Variants in MMP1 observed in about 807,000 individuals in gnomAD.
MMP1 encodes the protein interstitial collagenase.
In MMP1, 51 loss-of-function variants were observed where a neutral mutation model predicts 49.6. The observed-to-expected ratio is 1.03, with a 90% CI of 0.82 to 1.30. The LOEUF (loss-of-function observed/expected upper bound fraction) is 1.30. MMP1 is among the 50% of genes most tolerant of loss of function. The pLI, the probability that MMP1 is intolerant of heterozygous loss-of-function variation, is 0.00. For missense variants in MMP1, 623 were observed against 568.7 expected, an observed-to-expected ratio of 1.10 and a Z score of -0.97; for synonymous variants, 230 against 196.8, an observed-to-expected ratio of 1.17 and a Z score of -1.41.
At chr11:102,791,617 T>C in intron 7 of MMP1, 122 bp from the exon 8 acceptor site, 2 of 1,053,722 alleles carry the variant, frequency 1.9e-6, no homozygotes, top group Non-Finnish European at 2.8e-6. Context: ...ATTAGAATCA[T>C]CTAGGGAGAT....
chr11:102,798,109 T>C lies in MMP1; in HGVS notation c.-17A>G. 4 of 1,596,494 alleles carry C rather than the reference T, an allele frequency of 2.5e-6. No individual in the cohort carries two copies. Among genetic ancestry groups the C allele is most frequent in the African/African-American group, 1.3e-5 (1 of 74,730 alleles). On this transcript the variant is annotated 5_prime_UTR_variant, in exon 1 of 10. Coordinates refer to ENST00000315274, the MANE Select transcript of MMP1 (RefSeq NM_002421.4). Reference sequence around the variant, plus strand: ...GCTGTGCATACTGGCCTTTGTCTTCTTTCTCAGTGCAAGGTAAGTGATGGC... The same window carrying C: ...GCTGTGCATACTGGCCTTTGTCTTCCTTCTCAGTGCAAGGTAAGTGATGGC...
chr11:102,796,861 TTTG>T (rs1858207541), intron 3 of MMP1, 72 bp from the exon 4 acceptor site: 1 of 1,572,778 alleles, frequency 6.4e-7, no homozygotes, highest in Non-Finnish European at 8.6e-7. Flanking sequence ...AAGCATTAGC[TTTG>T]TTAAGAGGCC....
At position 102,790,345 on chromosome 11, in the gene MMP1, G is replaced by C. The variant is rs942568155; in HGVS notation, c.*67C>G. ...GAGGTTAAAAATGACTGAGAAAATA[G>C]ACAGTTCTTCAGGAAAACACCTTCT... is the stretch of plus-strand genomic sequence containing the variant. On this transcript the variant is annotated 3_prime_UTR_variant, in exon 10 of 10. Transcript: ENST00000315274. 30 of 885,084 alleles carry C rather than the reference G, an allele frequency of 3.4e-5. No individual in the cohort carries two copies. The highest frequency in any genetic ancestry group is 5.4e-5 in the Non-Finnish European group (30 of 557,010). 54.8% of individuals were successfully genotyped at this position (885,084 alleles called of 1,614,324 possible). A position where few individuals can be genotyped will look rare whatever the true frequency, so the allele number is the denominator to read the frequency against.
Position 102,792,756 on chromosome 11 carries a change from A to C in MMP1, c.900-18T>G. ...TGTAGAATCTGATTAGAAAAAAAGC[A>C]AGAAAAGTTTCCATCTAATTTCTGG... On this transcript the variant is annotated intron_variant, in intron 6 of 9. Coordinates refer to ENST00000315274, the MANE Select transcript of MMP1 (RefSeq NM_002421.4). 6.2e-7 allele frequency: 1 copy of C among 1,605,554 alleles called. No individual in the cohort carries two copies. The highest frequency in any genetic ancestry group is 8.5e-7 in the Non-Finnish European group (1 of 1,175,178).
chr11:102,795,127 T>C, intron 6 of MMP1, 47 bp downstream of exon 6: 1 of 1,356,302 alleles, frequency 7.4e-7, no homozygotes, highest in Non-Finnish European at 1.1e-6. Flanking sequence ...GTGGTGAATG[T>C]TGTTATTATT....
Position 102,797,039 on chromosome 11 carries a change from G to A in MMP1, c.474C>T (p.Asp158=). The part of the protein sequence containing the change: ...TFTKVSEGQA[D]IMISFVRGDH... ...CTCCCCTGACAAAAGATATCATGAT[G>A]TCTGCTTGACCCTCAGAGACCTTGG... The change falls in exon 3 of 10, where the codon GAC becomes GAT. Residue 158 remains aspartate, a synonymous_variant. Coordinates refer to ENST00000315274, the MANE Select transcript of MMP1 (RefSeq NM_002421.4). The A allele has an allele frequency of 6.2e-7, 1 of 1,613,936 alleles. No homozygotes were observed. Among genetic ancestry groups the A allele is most frequent in the Non-Finnish European group, 8.5e-7 (1 of 1,179,944 alleles).
At position 102,790,369 on chromosome 11, in the gene MMP1, C is replaced by A; in HGVS notation, c.*43G>T. 8.2e-7 allele frequency: 1 copy of A among 1,218,306 alleles called. No individual in the cohort carries two copies. Among genetic ancestry groups the A allele is most frequent in the Non-Finnish European group, 1.2e-6 (1 of 838,866 alleles). 75.5% of individuals were successfully genotyped at this position (1,218,306 alleles called of 1,614,324 possible). A position where few individuals can be genotyped will look rare whatever the true frequency, so the allele number is the denominator to read the frequency against. Reference sequence around the variant, plus strand: ...AGACAGTTCTTCAGGAAAACACCTTCTTTGGACTCACACCATGTGTTTTCC... The same window carrying A: ...AGACAGTTCTTCAGGAAAACACCTTATTTGGACTCACACCATGTGTTTTCC... On this transcript the variant is annotated 3_prime_UTR_variant, in exon 10 of 10. Coordinates refer to ENST00000315274, the MANE Select transcript of MMP1 (RefSeq NM_002421.4).
chr11:102,791,219 C>A (rs1159645006), intron 8 of MMP1, 114 bp downstream of exon 8: 2 of 1,095,446 alleles, frequency 1.8e-6, no homozygotes, highest in East Asian at 4.7e-5. Flanking sequence ...CACCAGCCAT[C>A]TGAAGGAAAG....
At chr11:102,792,941 C>T (rs1858075377) in intron 6 of MMP1, among the ~76,000 whole-genome samples, 1 of 152,010 alleles carries the variant, frequency 6.6e-6, no homozygotes, top group Admixed American at 6.6e-5. Flanking sequence ...TTTCAAGAGT[C>T]TCAGTGGAGC....
chr11:102,791,499 C>A lies in MMP1; in HGVS notation c.1034-4G>T, dbSNP rs757959653. On this transcript the variant is annotated splice_region_variant and splice_polypyrimidine_tract_variant and intron_variant, in intron 7 of 9. Transcript: ENST00000315274. ...TGAACAGCCCAGTACTTATTCCCTG[C>A]CAATCAAGAAAGAGTGATAAAACAC... 8 of 1,611,334 alleles carry A rather than the reference C, an allele frequency of 5.0e-6. No individual in the cohort carries two copies. The highest frequency in any genetic ancestry group is 1.1e-5 in the South Asian group (1 of 90,468).
chr11:102,797,186 C>T, intron 2 of MMP1, 24 bp from the exon 3 acceptor site: 2 of 1,613,504 alleles, frequency 1.2e-6, no homozygotes, highest in Admixed American at 1.7e-5. Context: ...AAAATAGAGA[C>T]ACATTGGACA....
At position 102,797,980 on chromosome 11, in the gene MMP1, G is replaced by T. The variant is rs755624057; in HGVS notation, c.105+8C>A. On this transcript the variant is annotated splice_region_variant and intron_variant, in intron 1 of 9. Coordinates refer to ENST00000315274, the MANE Select transcript of MMP1 (RefSeq NM_002421.4). ...TTACATTATTGTCACATGCAATGCA[G>T]CATTTACCTGGACTAAGTCCACATC... 4 of 1,593,048 alleles carry T rather than the reference G, an allele frequency of 2.5e-6. No homozygotes were observed. The highest frequency in any genetic ancestry group is 1.7e-5 in the Admixed American group (1 of 59,380).
intron 6 of MMP1, among the ~76,000 whole-genome samples, chr11:102,792,973 A>G (rs1397164095): frequency 1.3e-5 from 2 of 152,242 alleles, no homozygotes; most frequent in African/African-American, 4.8e-5. Flanking sequence ...GCATACAAAT[A>G]AAATAGGCAT....
At position 102,791,370 on chromosome 11, in the gene MMP1, C is replaced by T; in HGVS notation, c.1159G>A (p.Gly387Arg). ...IDAALSEENTGKTYFFVANKY... is the reference protein window; with the variant it reads ...IDAALSEENTRKTYFFVANKY... ...TTAGCAACAAAGAAGTAGGTTTTTC[C>T]AGTGTTTTCCTCAGAAAGAGCAGCA... The change falls in exon 8 of 10, where the codon GGA becomes AGA. Residue 387 changes from glycine to arginine, a missense_variant. Gly to Arg is a moderately radical substitution (Grantham distance 125, BLOSUM62 -2). Transcript: ENST00000315274. 6.2e-7 allele frequency: 1 copy of T among 1,613,970 alleles called. No homozygotes were observed. The highest frequency in any genetic ancestry group is 1.3e-5 in the African/African-American group (1 of 75,032).
chr11:102,795,775 A>C (rs1420496008), intron 4 of MMP1, among the ~76,000 whole-genome samples, 168 bp from the exon 5 acceptor site: 5 of 152,226 alleles, frequency 3.3e-5, no homozygotes, highest in African/African-American at 4.8e-5. Flanking sequence ...GCATGCATTT[A>C]TTAATAACGA....
Position 102,791,448 on chromosome 11 carries a change from G to GGTATCCGTGTAGCACATTCTGTCCCT in MMP1, c.1055_1080dup (p.Pro361ArgfsTer23). Reference sequence around the variant, plus strand: ...CCAAAGGAGCTGTAGATGTCCTTGGGGTATCCGTGTAGCACATTCTGTCCC... The same window carrying GGTATCCGTGTAGCACATTCTGTCCCT: ...CCAAAGGAGCTGTAGATGTCCTTGGGGTATCCGTGTAGCACATTCTGTCCCTGTATCCGTGTAGCACATTCTGTCCC... On this transcript the variant is annotated frameshift_variant, in exon 8 of 10. Transcript: ENST00000315274. LOFTEE classifies it high-confidence loss of function. 6.2e-7 allele frequency: 1 copy of GGTATCCGTGTAGCACATTCTGTCCCT among 1,613,990 alleles called. No homozygotes were observed. Among genetic ancestry groups the GGTATCCGTGTAGCACATTCTGTCCCT allele is most frequent in the Non-Finnish European group, 8.5e-7 (1 of 1,179,878 alleles).
chr11:102,792,326 T>A (rs975721720), intron 7 of MMP1, among the ~76,000 whole-genome samples: 2 of 151,888 alleles, frequency 1.3e-5, no homozygotes, highest in Non-Finnish European at 2.9e-5. Flanking sequence ...ATGGAGGGGG[T>A]TTTAAATACA....
rs1400004778 is a variant in MMP1, at chr11:102,798,129, G to A, written c.-37C>T. On this transcript the variant is annotated 5_prime_UTR_variant, in exon 1 of 10. Transcript: ENST00000315274. ...TCTTCTTTCTCAGTGCAAGGTAAGT[G>A]ATGGCTTCCCAGCCTCTTGCTGCTC... 8.4e-6 allele frequency: 13 copies of A among 1,547,082 alleles called. No homozygotes were observed. The highest frequency in any genetic ancestry group is 1.1e-5 in the Non-Finnish European group (13 of 1,137,402).
chr11:102,796,875 A>C (rs1267306854), intron 3 of MMP1, 86 bp from the exon 4 acceptor site: 1 of 1,551,144 alleles, frequency 6.4e-7, no homozygotes, highest in African/African-American at 1.4e-5. Context: ...TTAAGAGGCC[A>C]ACAGACTTCC....
Sources: allele counts gnomAD v4.1 joint callset (sites outside exome capture counted in the v4.1 genomes callset), GRCh38; gene constraint gnomAD v4.1.1; transcripts MANE v1.5; gene names NCBI Gene and HGNC (gene_info 2026-07-23, HGNC 2026-07-21).